The following TJP1 variants were observed in gnomAD, a reference collection of about 807,000 sequenced individuals.
TJP1 encodes the protein tight junction protein ZO-1.
A neutral mutation model predicts 194.2 loss-of-function variants in TJP1; 43 were observed. That is an observed-to-expected ratio of 0.22 (90% CI 0.17 to 0.29). The LOEUF is 0.29. Among genes scored for constraint, TJP1 ranks in the 10% least tolerant of loss-of-function variants. The pLI is 1.00. For missense variants in TJP1, 1,971 were observed against 2,185.7 expected, an observed-to-expected ratio of 0.90 and a Z score of 1.96; for synonymous variants, 801 against 779.0, an observed-to-expected ratio of 1.03 and a Z score of -0.47.
intron 1 of TJP1, among the ~76,000 whole-genome samples, chr15:29,812,638 A>G (rs548206129): frequency 1.3e-5 from 2 of 152,348 alleles, no homozygotes; most frequent in African/African-American, 4.8e-5. Context: ...CGAACATAAA[A>G]GGATGTGAAT....
At chr15:29,736,830 G>A (rs1392956114) in intron 11 of TJP1, among the ~76,000 whole-genome samples, 1 of 152,196 alleles carries the variant, frequency 6.6e-6, no homozygotes, top group African/African-American at 2.4e-5. Flanking sequence ...AGGTCCCAGA[G>A]GTTGTGTGGA....
intron 2 of TJP1, among the ~76,000 whole-genome samples, chr15:29,925,607 G>A (rs2054500241): frequency 6.6e-6 from 1 of 152,038 alleles, no homozygotes. Context: ...ACAAATACAC[G>A]CACCCTTTTT....
intron 1 of TJP1, among the ~76,000 whole-genome samples, chr15:29,960,464 C>G (rs963851370): frequency 1.4e-5 from 2 of 145,828 alleles, no homozygotes; most frequent in African/African-American, 5.1e-5. Flanking sequence ...GAGATCCCGT[C>G]TCTACAAAAA....
chr15:29,833,144 C>A (rs1358195254), intron 2 of TJP1, among the ~76,000 whole-genome samples: 1 of 152,108 alleles, frequency 6.6e-6, no homozygotes, highest in Non-Finnish European at 1.5e-5. Flanking sequence ...AAAAAAAGTT[C>A]TATATAGAAG....
chr15:29,955,753 T>TAAA lies in TJP1; in HGVS notation c.306+476_306+478dup, dbSNP rs563535771. On this transcript the variant is annotated intron_variant, in intron 2 of 28. Coordinates refer to the TJP1 transcript ENST00000356107. ...GCAACAGAAGGAGACCCTGGCTCTTTAAAAAAAAAAAAAAAAAAAAAAAAA... is the reference window on the plus strand; with the variant it reads ...GCAACAGAAGGAGACCCTGGCTCTTTAAAAAAAAAAAAAAAAAAAAAAAAAAAA... 3.9e-3 allele frequency among the ~76,000 whole-genome samples: 140 copies of TAAA among 35,780 alleles called. 3 individuals carry two copies. The highest frequency in any genetic ancestry group is 0.023 in the Middle Eastern group (1 of 44). 23.5% of individuals were successfully genotyped at this position (35,780 alleles called of 152,430 possible). A position where few individuals can be genotyped will look rare whatever the true frequency, so the allele number is the denominator to read the frequency against.
chr15:29,806,168 G>T (rs1173584202), intron 1 of TJP1, among the ~76,000 whole-genome samples: 7 of 152,248 alleles, frequency 4.6e-5, no homozygotes, highest in African/African-American at 1.7e-4. Context: ...GAGAAGTGTG[G>T]GTGGAGTTCA....
intron 2 of TJP1, among the ~76,000 whole-genome samples, chr15:29,784,140 A>T (rs1202564362): frequency 6.6e-6 from 1 of 152,100 alleles, no homozygotes; most frequent in African/African-American, 2.4e-5. Context: ...AACAAAAAAA[A>T]CTTCGCTGAT....
chr15:29,720,422 G>A lies in TJP1; in HGVS notation c.2699C>T (p.Pro900Leu). 1 of 1,613,754 alleles carries A rather than the reference G, an allele frequency of 6.2e-7. No homozygotes were observed. Among genetic ancestry groups the A allele is most frequent in the Non-Finnish European group, 8.5e-7 (1 of 1,179,834 alleles). Residue 900 changes from proline to leucine, a missense_variant, in exon 19 of 28, where the codon CCA becomes CTA. Pro to Leu is a moderately conservative substitution (Grantham distance 98). Coordinates refer to ENST00000614355, the MANE Select transcript of TJP1 (RefSeq NM_001330239.4). ...ATGAATTGGTTGTGGCTGCGCTTGT[G>A]GTGAGTAAGGAGGATATGTTTGGTT... ...HENQTYPPYS[P>L]QAQPQPIHRI...
At chr15:29,845,645 A>G (rs572211454) in intron 2 of TJP1, among the ~76,000 whole-genome samples, 44 of 152,160 alleles carry the variant, frequency 2.9e-4, no homozygotes, top group African/African-American at 1.0e-3. Context: ...TCTACTGAAA[A>G]AAAACAAAAA....
chr15:29,853,494 T>C (rs563749340), intron 2 of TJP1, among the ~76,000 whole-genome samples: 166 of 152,332 alleles, frequency 1.1e-3, no homozygotes, highest in African/African-American at 3.9e-3. Context: ...TTTGGGGACA[T>C]TGGACAAAGT....
chr15:29,774,636 T>TC (rs976862543), intron 2 of TJP1, among the ~76,000 whole-genome samples: 31 of 152,080 alleles, frequency 2.0e-4, no homozygotes, highest in Middle Eastern at 6.8e-3. Context: ...GGGAGGTGTT[T>TC]TTTTTTTCCC....
At chr15:29,796,062 G>A (rs1359543825) in intron 2 of TJP1, among the ~76,000 whole-genome samples, 1 of 151,710 alleles carries the variant, frequency 6.6e-6, no homozygotes, top group Non-Finnish European at 1.5e-5. Flanking sequence ...CCTGATAAAA[G>A]GCATCAACCA....
chr15:29,842,894 A>C (rs2051274859), intron 2 of TJP1, among the ~76,000 whole-genome samples: 1 of 152,168 alleles, frequency 6.6e-6, no homozygotes, highest in South Asian at 2.1e-4. Context: ...AAGTTGCATA[A>C]TGGTCTTGGC....
chr15:29,797,341 G>T (rs961069020), intron 2 of TJP1, among the ~76,000 whole-genome samples: 2 of 152,080 alleles, frequency 1.3e-5, no homozygotes, highest in Admixed American at 6.6e-5. Flanking sequence ...GTAGAGACAG[G>T]CTTTCACCAT....
intron 2 of TJP1, among the ~76,000 whole-genome samples, chr15:29,868,089 G>A (rs1252668569): frequency 6.6e-6 from 1 of 151,754 alleles, no homozygotes; most frequent in African/African-American, 2.4e-5. Flanking sequence ...GCTGGGCGTG[G>A]TAGTATGCAC....
chr15:29,949,856 ACAACCACCAC>A (rs2055583788), intron 2 of TJP1, among the ~76,000 whole-genome samples: 1 of 64,370 alleles, frequency 1.6e-5, no homozygotes, highest in Non-Finnish European at 2.7e-5. Flanking sequence ...CACCACCTCC[ACAACCACCAC>A]CTCCACCTCC....
At chr15:29,875,997 C>T (rs535111973) in intron 2 of TJP1, among the ~76,000 whole-genome samples, 7 of 152,274 alleles carry the variant, frequency 4.6e-5, no homozygotes, top group Non-Finnish European at 7.4e-5. Context: ...GCTAGCCACA[C>T]GTGACTAATT....
intron 23 of TJP1, among the ~76,000 whole-genome samples, chr15:29,715,428 G>C (rs62016717): frequency 0.024 from 3,725 of 152,286 alleles, 66 homozygotes; most frequent in Non-Finnish European, 0.04. Context: ...TACAAAGGAT[G>C]TCTTAGAAAA....
intron 2 of TJP1, among the ~76,000 whole-genome samples, chr15:29,845,677 C>T (rs1040198373): frequency 5.3e-5 from 8 of 151,962 alleles, no homozygotes; most frequent in African/African-American, 1.4e-4. Flanking sequence ...TGGTGGCAGG[C>T]GCCTGTAGCC....
Sources: allele counts gnomAD v4.1 joint callset (sites outside exome capture counted in the v4.1 genomes callset), GRCh38; gene constraint gnomAD v4.1.1; transcripts MANE v1.5; gene names NCBI Gene and HGNC (gene_info 2026-07-23, HGNC 2026-07-21).